The following DNAH9 variants were observed in gnomAD, a reference collection of about 807,000 sequenced individuals.
DNAH9 encodes the protein DNAH9 variant protein.
In DNAH9, 345 loss-of-function variants were observed where a neutral mutation model predicts 471.6. That is an observed-to-expected ratio of 0.73 (90% CI 0.67 to 0.80). The LOEUF (loss-of-function observed/expected upper bound fraction) is 0.80, where lower values mean the gene tolerates loss of function less well. DNAH9 is among the 30% of genes least tolerant of loss of function. The probability of loss-of-function intolerance (pLI) is 0.00; values close to 1 mark genes in which losing one functional copy is unlikely to be tolerated. For missense variants in DNAH9, 5,407 were observed against 5,609.2 expected (o/e 0.96, Z 1.15); for synonymous variants, 2,093 against 2,123.6 (o/e 0.99, Z 0.40).
intron 1 of DNAH9, among the ~76,000 whole-genome samples, chr17:11,599,632 G>T (rs1390962762): frequency 1.3e-5 from 2 of 152,174 alleles, no homozygotes; most frequent in Non-Finnish European, 2.9e-5. Context: ...CACCACAGCA[G>T]AAGCTTCGAG....
At position 11,653,194 on chromosome 17, in the gene DNAH9, A is replaced by G. The variant is rs918784257; in HGVS notation, c.2595+192A>G. ...AATGAAAAGTTGCATTTTGGTATCAATGTGTTGAAATTATTACTATCTTCA... is the reference window on the plus strand; with the variant it reads ...AATGAAAAGTTGCATTTTGGTATCAGTGTGTTGAAATTATTACTATCTTCA... On this transcript the variant is annotated intron_variant, in intron 14 of 68. Coordinates refer to ENST00000262442, the MANE Select transcript of DNAH9 (RefSeq NM_001372.4). 3.3e-5 allele frequency among the ~76,000 whole-genome samples: 5 copies of G among 152,224 alleles called. No individual in the cohort carries two copies. The East Asian group carries it at 9.6e-4, about 29-fold the overall frequency.
At position 11,905,654 on chromosome 17, in the gene DNAH9, C is replaced by G; in HGVS notation, c.11601-7C>G. ...GTATAAATCTATATGTGCTTTTTTT[C>G]TGGCAGAGATTTTGTTGAAGAGAAG... On this transcript the variant is annotated splice_region_variant and splice_polypyrimidine_tract_variant and intron_variant, in intron 60 of 68. Transcript: ENST00000262442. 1 of 1,610,074 alleles carries G rather than the reference C, an allele frequency of 6.2e-7. No homozygotes were observed. The highest frequency in any genetic ancestry group is 8.5e-7 in the Non-Finnish European group (1 of 1,178,850).
In DNAH9 at chr17:11,608,094, C is replaced by T. The variant is rs9896307; in HGVS notation, c.418-35C>T. 19,464 of 1,482,390 alleles carry T rather than the reference C, an allele frequency of 0.013. 1,269 individuals carry two copies. In the African/African-American group the frequency reaches 0.18, roughly 14 times the overall value. The allele number at this position is 1,482,390 out of a possible 1,614,324, so 91.8% of individuals were successfully genotyped here. On this transcript the variant is annotated intron_variant, in intron 1 of 68. Transcript: ENST00000262442. ...TTTCTTTAAGTTCTCAGAATTGGAA[C>T]ACCTGCCTTTCTTTCCTGTGCACCT...
intron 26 of DNAH9, among the ~76,000 whole-genome samples, chr17:11,707,569 C>A (rs966849249): frequency 2.1e-4 from 32 of 152,224 alleles, no homozygotes; most frequent in Admixed American, 1.3e-4. Flanking sequence ...TTTTCCTCCC[C>A]AGTCTGGAAG....
chr17:11,828,678 G>A (rs766984101), intron 48 of DNAH9, among the ~76,000 whole-genome samples: 21 of 151,872 alleles, frequency 1.4e-4, no homozygotes, highest in South Asian at 2.1e-4. Flanking sequence ...CTCTTGCAGC[G>A]CCCCCAAAAC....
At chr17:11,951,213 T>A (rs1303820791) in intron 67 of DNAH9, among the ~76,000 whole-genome samples, 1 of 152,208 alleles carries the variant, frequency 6.6e-6, no homozygotes, top group Non-Finnish European at 1.5e-5. Flanking sequence ...AAATTTTTAT[T>A]CTGAAGGGAA....
intron 14 of DNAH9, among the ~76,000 whole-genome samples, chr17:11,659,750 T>G (rs1264230142): frequency 6.6e-6 from 1 of 152,260 alleles, no homozygotes; most frequent in African/African-American, 2.4e-5. Flanking sequence ...CTTCTTTGTT[T>G]GATTACCAGT....
chr17:11,777,866 C>T (rs146365900), intron 38 of DNAH9, among the ~76,000 whole-genome samples: 10 of 152,140 alleles, frequency 6.6e-5, no homozygotes, highest in African/African-American at 2.4e-4. Context: ...GATTTATCAT[C>T]TAGTGAGGAA....
At chr17:11,727,066 A>G (rs867677545) in intron 27 of DNAH9, among the ~76,000 whole-genome samples, 69 of 149,704 alleles carry the variant, frequency 4.6e-4, no homozygotes, top group Middle Eastern at 3.4e-3. Context: ...AAAAAAAAAA[A>G]AAAAAAAAAA....
chr17:11,694,430 G>A lies in DNAH9; in HGVS notation c.4855G>A (p.Gly1619Ser), dbSNP rs1376151518. The change falls in exon 22 of 69, where the codon GGC (glycine) becomes AGC (serine). Residue 1619 changes from glycine (G) to serine (S), a missense_variant. This residue lies in a region of DNAH9 where 4,636 missense variants were observed against 4,900.3 expected (regional missense o/e 0.95). Coordinates refer to ENST00000262442, the MANE Select transcript of DNAH9 (RefSeq NM_001372.4). The part of the protein sequence containing the change: ...SSDLLDILSN[G>S]TAPQQVQRHL... ...CGATCTGTTAGACATCCTTTCCAAC[G>A]GCACAGCTCCACAACAGGTAAGCTG... The A allele has an allele frequency of 3.7e-6, 6 of 1,612,984 alleles. No individual in the cohort carries two copies. Among genetic ancestry groups the A allele is most frequent in the Admixed American group, 1.7e-5 (1 of 59,866 alleles).
chr17:11,810,929 G>A (rs76627036), intron 45 of DNAH9, among the ~76,000 whole-genome samples: 5,932 of 152,118 alleles, frequency 0.039, 149 homozygotes, highest in South Asian at 0.12. Flanking sequence ...GGCCTGTGAC[G>A]CTGTCTGTGC....
rs960795886 is a variant in DNAH9, at chr17:11,793,806, C to G, written c.8223+142C>G. The G allele has an allele frequency of 5.8e-5, 42 of 727,914 alleles. No individual in the cohort carries two copies. In the African/African-American group the frequency reaches 7.0e-4, roughly 12 times the overall value. The allele number at this position is 727,914 out of a possible 1,614,324, so 45.1% of individuals were successfully genotyped here. A position where few individuals can be genotyped will look rare whatever the true frequency, so the allele number is the denominator to read the frequency against. On this transcript the variant is annotated intron_variant, in intron 42 of 68. Transcript: ENST00000262442. ...GGAAGGAAATTCTGTCATAATTTTG[C>G]CCAGGTAAAAAAATGCTGGGGCAAG...
chr17:11,739,152 AT>A (rs2075396368), intron 29 of DNAH9, 115 bp downstream of exon 29: 3 of 1,056,776 alleles, frequency 2.8e-6, no homozygotes, highest in Non-Finnish European at 4.0e-6. Flanking sequence ...GGAAAAGTAG[AT>A]TTGTAACAAC....
chr17:11,673,601 G>GTTTTTTTTTT (rs59481227), intron 17 of DNAH9, among the ~76,000 whole-genome samples: 1 of 131,014 alleles, frequency 7.6e-6, no homozygotes, highest in Non-Finnish European at 1.6e-5. Context: ...GTTTATATTT[G>GTTTTTTTTTT]TTTTTTTTTT....
chr17:11,759,517 CTTTTT>C (rs1157505657), intron 35 of DNAH9, among the ~76,000 whole-genome samples: 2 of 83,936 alleles, frequency 2.4e-5, no homozygotes, highest in Non-Finnish European at 4.5e-5. Context: ...ATACACACCA[CTTTTT>C]TTTTTTTTTT....
intron 55 of DNAH9, among the ~76,000 whole-genome samples, 160 bp downstream of exon 55, chr17:11,881,573 T>C (rs1181043203): frequency 6.6e-6 from 1 of 152,016 alleles, no homozygotes; most frequent in Non-Finnish European, 1.5e-5. Context: ...GGGAATACCA[T>C]ACTGGGGAAA....
chr17:11,762,759 T>TTTTTTTTTG (rs1967738144), intron 35 of DNAH9, among the ~76,000 whole-genome samples: 2 of 72,244 alleles, frequency 2.8e-5, no homozygotes, highest in Admixed American at 1.5e-4. Context: ...TTTAGGTGCG[T>TTTTTTTTTG]TTTTTTTTTT....
At chr17:11,845,148 C>A (rs1048635626) in intron 49 of DNAH9, among the ~76,000 whole-genome samples, 2 of 140,998 alleles carry the variant, frequency 1.4e-5, no homozygotes, top group African/African-American at 5.3e-5. Context: ...AATGCTATTC[C>A]TCCCCCCTCC....
intron 12 of DNAH9, among the ~76,000 whole-genome samples, chr17:11,649,818 C>T (rs1286210315): frequency 6.6e-6 from 1 of 152,118 alleles, no homozygotes; most frequent in African/African-American, 2.4e-5. Flanking sequence ...ATTGCTTGTT[C>T]ATGTCCTTTG....
Sources: gnomAD v4.1 joint callset for allele counts (sites outside exome capture counted in the v4.1 genomes callset) on GRCh38, gnomAD v4.1.1 for gene constraint, gnomAD v4.1.1 regional missense constraint, MANE v1.5 for transcripts, NCBI Gene and HGNC (gene_info 2026-07-23, HGNC 2026-07-21) for gene names.